Variants in FOCAD observed in about 807,000 individuals in gnomAD.
The protein encoded by FOCAD is KIAA1797.
In FOCAD, 198 loss-of-function variants were observed where a neutral mutation model predicts 225.6. The observed-to-expected ratio is 0.88, with a 90% CI of 0.78 to 0.99. FOCAD has a LOEUF of 0.99. Ranked by LOEUF, FOCAD falls within the 50% of genes least tolerant of loss-of-function variation. The pLI, the probability that FOCAD is intolerant of heterozygous loss-of-function variation, is 0.00. For missense variants in FOCAD, 2,713 were observed against 2,123.6 expected, an observed-to-expected ratio of 1.28 and a Z score of -5.46; for synonymous variants, 897 against 755.0, an observed-to-expected ratio of 1.19 and a Z score of -3.08.
Position 20,715,313 on chromosome 9 carries a change from T to G in FOCAD, c.-32-9T>G. 1 of 1,381,602 alleles carries G rather than the reference T, an allele frequency of 7.2e-7. No individual in the cohort carries two copies. Among genetic ancestry groups the G allele is most frequent in the Non-Finnish European group, 9.7e-7 (1 of 1,028,998 alleles). The allele number at this position is 1,381,602 out of a possible 1,614,324, so 85.6% of individuals were successfully genotyped here. The stretch of plus-strand genomic sequence containing the variant: ...AAGACTAACAAATATTCTTTTGTTT[T>G]GGTTACAGAAGCTGCACACATACAT... On this transcript the variant is annotated splice_polypyrimidine_tract_variant and intron_variant, in intron 1 of 43. Coordinates refer to ENST00000338382, the MANE Select transcript of FOCAD (RefSeq NM_001375567.1).
Position 20,781,838 on chromosome 9 carries a change from CTG to C in FOCAD, c.1109_1110del (p.Val370GlyfsTer2). 2 of 1,614,084 alleles carry C rather than the reference CTG, an allele frequency of 1.2e-6. No homozygotes were observed. The highest frequency in any genetic ancestry group is 1.7e-6 in the Non-Finnish European group (2 of 1,179,968). On this transcript the variant is annotated frameshift_variant, in exon 10 of 44. Coordinates refer to ENST00000338382, the MANE Select transcript of FOCAD (RefSeq NM_001375567.1). LOFTEE classifies it high-confidence loss of function. ...TCTACTGCCTTGGAAGACTGTATATCTGTGGATGAAGAAGGTCCCTCTAGGCA... is the reference window on the plus strand; with the variant it reads ...TCTACTGCCTTGGAAGACTGTATATCTGGATGAAGAAGGTCCCTCTAGGCA...
At chr9:20,697,748 C>T (rs1050370954) in intron 1 of FOCAD, among the ~76,000 whole-genome samples, 2 of 152,192 alleles carry the variant, frequency 1.3e-5, no homozygotes, top group Admixed American at 1.3e-4. Context: ...ACTACTTATA[C>T]TGTAGTTCAA....
chr9:20,911,879 G>A (rs1833468297), intron 22 of FOCAD, among the ~76,000 whole-genome samples: 1 of 152,158 alleles, frequency 6.6e-6, no homozygotes, highest in Non-Finnish European at 1.5e-5. Flanking sequence ...GAAAAAGACA[G>A]CTAGTAGAGA....
intron 11 of FOCAD, among the ~76,000 whole-genome samples, chr9:20,819,104 A>C (rs1564028558): frequency 6.6e-6 from 1 of 152,180 alleles, no homozygotes; most frequent in Non-Finnish European, 1.5e-5. Context: ...GACTTCAGTT[A>C]CTTCTTATTG....
At chr9:20,849,935 A>T (rs1220778632) in intron 15 of FOCAD, among the ~76,000 whole-genome samples, 2 of 151,880 alleles carry the variant, frequency 1.3e-5, no homozygotes, top group Non-Finnish European at 2.9e-5. Flanking sequence ...ACAGTTCAAA[A>T]TATTGATTTT....
At chr9:20,988,513 A>G (rs1470472795) in intron 41 of FOCAD, 84 bp downstream of exon 41, 8 of 340,348 alleles carry the variant, frequency 2.4e-5, no homozygotes, top group Non-Finnish European at 4.3e-5. Flanking sequence ...CGGTTTTGCC[A>G]TTAATTGGCA....
At chr9:20,750,133 A>G (rs1828415956) in intron 5 of FOCAD, among the ~76,000 whole-genome samples, 1 of 152,100 alleles carries the variant, frequency 6.6e-6, no homozygotes, top group Non-Finnish European at 1.5e-5. Flanking sequence ...AATGTGCTAG[A>G]GGGACTGTGT....
rs759736911 is a variant in FOCAD at position 20,986,459 on chromosome 9, A to C, written c.4900A>C (p.Asn1634His). The change falls in exon 40 of 44, where the codon AAT (asparagine) becomes CAT (histidine). Residue 1634 changes from asparagine to histidine, a missense_variant. By Grantham distance (68) the Asn-to-His change is moderately conservative. Transcript: ENST00000338382. ...LYQARIVSHANTGVLKRMEWL... is the reference protein window; with the variant it reads ...LYQARIVSHAHTGVLKRMEWL... ...CCAGGCACGGATTGTGAGCCATGCCAATACGGGTGAGGACACCCTGGGGTG... is the reference window on the plus strand; with the variant it reads ...CCAGGCACGGATTGTGAGCCATGCCCATACGGGTGAGGACACCCTGGGGTG... 6.2e-7 allele frequency: 1 copy of C among 1,608,236 alleles called. No individual in the cohort carries two copies. The highest frequency in any genetic ancestry group is 2.2e-5 in the East Asian group (1 of 44,614).
chr9:20,819,882 T>C lies in FOCAD; in HGVS notation c.1542T>C (p.Pro514=). 1 of 1,540,938 alleles carries C rather than the reference T, an allele frequency of 6.5e-7. No individual in the cohort carries two copies. The highest frequency in any genetic ancestry group is 8.7e-7 in the Non-Finnish European group (1 of 1,144,378). Reference sequence around the variant, plus strand: ...ATAATGATATATTGTATACTTTACCTAAGCTTGGTGTTCACAAGGTTAGTA... The same window carrying C: ...ATAATGATATATTGTATACTTTACCCAAGCTTGGTGTTCACAAGGTTAGTA... ...ILYNDILYTL[P]KLGVHKVCIG... is the part of the protein sequence containing the mutation. The change falls in exon 12 of 44, where the codon CCT becomes CCC. Residue 514 remains proline (P), a synonymous_variant. Coordinates refer to ENST00000338382, the MANE Select transcript of FOCAD (RefSeq NM_001375567.1).
At chr9:20,924,845 C>A (rs1362542151) in intron 25 of FOCAD, among the ~76,000 whole-genome samples, 1 of 152,136 alleles carries the variant, frequency 6.6e-6, no homozygotes, top group Non-Finnish European at 1.5e-5. Context: ...CTAAGCAGAC[C>A]ACCTCCAGTG....
At chr9:20,736,668 A>T (rs1827176386) in intron 4 of FOCAD, among the ~76,000 whole-genome samples, 1 of 152,170 alleles carries the variant, frequency 6.6e-6, no homozygotes, top group South Asian at 2.1e-4. Context: ...TCTTTATGTT[A>T]TAGTATAAGT....
intron 14 of FOCAD, 127 bp downstream of exon 14, chr9:20,821,198 T>G: frequency 1.3e-6 from 1 of 784,440 alleles, no homozygotes; most frequent in South Asian, 2.9e-5. Flanking sequence ...TTTTTTAACT[T>G]AAGTTTTCTG....
chr9:20,792,401 G>C (rs1385654360), intron 11 of FOCAD, among the ~76,000 whole-genome samples: 2 of 152,124 alleles, frequency 1.3e-5, no homozygotes, highest in East Asian at 3.8e-4. Context: ...TTATAAAATA[G>C]AATATGCCAA....
chr9:20,671,028 C>T (rs1339729594), intron 2 of FOCAD, among the ~76,000 whole-genome samples: 2 of 152,196 alleles, frequency 1.3e-5, no homozygotes, highest in Admixed American at 6.5e-5. Context: ...ACAGAACATT[C>T]TCTCCTTAGA....
At chr9:20,883,587 C>T (rs1301428346) in intron 20 of FOCAD, among the ~76,000 whole-genome samples, 1 of 152,046 alleles carries the variant, frequency 6.6e-6, no homozygotes, top group East Asian at 1.9e-4. Flanking sequence ...AAATAAATAA[C>T]AAAAATGATT....
intron 6 of FOCAD, among the ~76,000 whole-genome samples, chr9:20,763,620 C>A (rs35022509): frequency 0.34 from 51,168 of 151,862 alleles, 9,117 homozygotes; most frequent in Non-Finnish European, 0.39. Flanking sequence ...AGGAATAGGA[C>A]GGGTAGAAGG....
chr9:20,870,416 C>T (rs754023450), intron 18 of FOCAD, among the ~76,000 whole-genome samples: 2 of 152,144 alleles, frequency 1.3e-5, no homozygotes, highest in East Asian at 1.9e-4. Context: ...AAAGGTTATC[C>T]GGCTCAGAAC....
chr9:20,879,927 C>T (rs946544237), intron 19 of FOCAD, among the ~76,000 whole-genome samples: 1 of 152,110 alleles, frequency 6.6e-6, no homozygotes, highest in Non-Finnish European at 1.5e-5. Flanking sequence ...CACCTTTTGC[C>T]AGAATAGGAT....
At chr9:20,906,142 T>C (rs1451823973) in intron 21 of FOCAD, among the ~76,000 whole-genome samples, 13 of 151,974 alleles carry the variant, frequency 8.6e-5, no homozygotes, top group Non-Finnish European at 1.0e-4. Flanking sequence ...TCACTAAGAC[T>C]GGGATTAAAG....
Sources: allele counts gnomAD v4.1 joint callset (sites outside exome capture counted in the v4.1 genomes callset), GRCh38; gene constraint gnomAD v4.1.1; transcripts MANE v1.5; gene names NCBI Gene and HGNC (gene_info 2026-07-23, HGNC 2026-07-21).